CEACAM8: variants seen among roughly 807,000 people sequenced by gnomAD.
CEACAM8 encodes the protein CEA cell adhesion molecule 8, also known as cell adhesion molecule CEACAM8.
Under a neutral mutation model 33.4 loss-of-function variants are expected in CEACAM8, and 31 were observed. That is an observed-to-expected ratio of 0.93 (90% CI 0.70 to 1.25). The LOEUF (loss-of-function observed/expected upper bound fraction) is 1.25, where lower values mean the gene tolerates loss of function less well. CEACAM8 is among the 50% of genes most tolerant of loss of function. The pLI is 0.00. For synonymous variants in CEACAM8, 138 were observed against 164.5 expected, an observed-to-expected ratio of 0.84 and a Z score of 1.23; for missense variants, 388 against 434.6, an observed-to-expected ratio of 0.89 and a Z score of 0.95.
At chr19:42,584,370 C>A (rs1046485437) in intron 4 of CEACAM8, among the ~76,000 whole-genome samples, 2 of 152,164 alleles carry the variant, frequency 1.3e-5, no homozygotes, top group Non-Finnish European at 2.9e-5. Flanking sequence ...AAATACTTTA[C>A]CTCATTTGAT....
At chr19:42,584,981 T>C (rs1432717676) in intron 4 of CEACAM8, among the ~76,000 whole-genome samples, 2 of 151,872 alleles carry the variant, frequency 1.3e-5, no homozygotes, top group African/African-American at 4.8e-5. Context: ...AGAGACAAGA[T>C]GGAAATTACT....
chr19:42,583,076 G>A, intron 5 of CEACAM8, 130 bp downstream of exon 5: 1 of 612,614 alleles, frequency 1.6e-6, no homozygotes, highest in Non-Finnish European at 2.9e-6. Context: ...GAAGAGACCT[G>A]CAGGAATTAG....
intron 4 of CEACAM8, among the ~76,000 whole-genome samples, chr19:42,588,090 C>T (rs563955987): frequency 1.1e-4 from 17 of 152,314 alleles, no homozygotes; most frequent in African/African-American, 3.1e-4. Flanking sequence ...TCATGCAGCC[C>T]GTGACTTCAG....
intron 3 of CEACAM8, 50 bp downstream of exon 3, chr19:42,589,407 C>T (rs370732391): frequency 4.4e-5 from 71 of 1,612,432 alleles, no homozygotes; most frequent in Middle Eastern, 1.6e-4. Context: ...CCTCTGGCTG[C>T]GTGGATTTGG....
Position 42,589,495 on chromosome 19 carries a change from C to T in CEACAM8, c.665G>A (p.Ser222Asn), listed in dbSNP as rs752071582. ...GGTGACTGGGTCACTGAAGTTTGCA[C>T]TCGCTGGGTTCTGTATTTCACATTC... ...PYECEIQNPA[S>N]ANFSDPVTLN... The change falls in exon 3 of 6, where the codon AGT becomes AAT. Residue 222 changes from serine (S) to asparagine (N), a missense_variant. By Grantham distance (46) the Ser-to-Asn change is conservative. Transcript: ENST00000244336. The T allele has an allele frequency of 6.2e-7, 1 of 1,614,220 alleles. No individual in the cohort carries two copies. Among genetic ancestry groups the T allele is most frequent in the Non-Finnish European group, 8.5e-7 (1 of 1,180,046 alleles).
At chr19:42,582,748 A>G (rs1449218600) in intron 5 of CEACAM8, among the ~76,000 whole-genome samples, 2 of 152,210 alleles carry the variant, frequency 1.3e-5, no homozygotes, top group Non-Finnish European at 2.9e-5. Context: ...GAATTAGTAA[A>G]GAGAAGAAAT....
intron 4 of CEACAM8, among the ~76,000 whole-genome samples, chr19:42,584,124 G>A (rs148121406): frequency 3.3e-5 from 5 of 151,872 alleles, no homozygotes; most frequent in Non-Finnish European, 4.4e-5. Context: ...TCTCTTTCAC[G>A]TGTAACCAGT....
chr19:42,593,472 G>A, intron 2 of CEACAM8, 69 bp downstream of exon 2: 1 of 1,522,856 alleles, frequency 6.6e-7, no homozygotes, highest in Non-Finnish European at 8.8e-7. Context: ...CACAGCCCAG[G>A]CCTAACAATC....
intron 1 of CEACAM8, among the ~76,000 whole-genome samples, chr19:42,594,220 G>C (rs141336665): frequency 9.9e-5 from 15 of 152,152 alleles, no homozygotes; most frequent in African/African-American, 3.6e-4. Context: ...ACCTTTCCCT[G>C]CTGTGTTCCT....
chr19:42,590,691 C>A (rs2042422361), intron 2 of CEACAM8, among the ~76,000 whole-genome samples: 1 of 152,124 alleles, frequency 6.6e-6, no homozygotes, highest in African/African-American at 2.4e-5. Context: ...AGGACAGATA[C>A]TGTAGGATTC....
intron 1 of CEACAM8, among the ~76,000 whole-genome samples, chr19:42,594,520 C>T (rs1193852825): frequency 6.6e-6 from 1 of 152,156 alleles, no homozygotes; most frequent in Non-Finnish European, 1.5e-5. Context: ...TATCATTTTT[C>T]AAAATGTAGT....
At chr19:42,582,361 A>G (rs1328441896) in intron 5 of CEACAM8, among the ~76,000 whole-genome samples, 1 of 152,124 alleles carries the variant, frequency 6.6e-6, no homozygotes, top group Non-Finnish European at 1.5e-5. Context: ...TATTTTTCAT[A>G]TCTTATCTCC....
At chr19:42,585,374 A>G (rs2042320409) in intron 4 of CEACAM8, among the ~76,000 whole-genome samples, 2 of 151,818 alleles carry the variant, frequency 1.3e-5, no homozygotes. Context: ...TGGAGATATT[A>G]TATATCAATT....
In CEACAM8 at chr19:42,589,471, G is replaced by A. The variant is rs202017529; in HGVS notation, c.689C>T (p.Thr230Ile). The A allele has an allele frequency of 5.6e-6, 9 of 1,614,226 alleles. No homozygotes were observed. The highest frequency in any genetic ancestry group is 1.6e-4 in the Middle Eastern group (1 of 6,062). ...PASANFSDPV[T>I]LNVLYGPDAP... ...AAGATACTCACAGAGGACATTCAGG[G>A]TGACTGGGTCACTGAAGTTTGCACT... The change falls in exon 3 of 6, where the codon ACC (threonine) becomes ATC (isoleucine). Residue 230 changes from threonine (T) to isoleucine (I), a missense_variant. By Grantham distance (89) the Thr-to-Ile change is moderately conservative (BLOSUM62 -1). Transcript: ENST00000244336.
chr19:42,587,592 GAGA>G (rs1451329121), intron 4 of CEACAM8, among the ~76,000 whole-genome samples: 2 of 152,224 alleles, frequency 1.3e-5, no homozygotes, highest in Non-Finnish European at 2.9e-5. Context: ...GGGTTAGAGG[GAGA>G]AGGAGTGAGA....
At position 42,583,277 on chromosome 19, in the gene CEACAM8, A is replaced by G. The variant is rs570898042; in HGVS notation, c.1019T>C (p.Ile340Thr). Residue 340 changes from isoleucine (I) to threonine (T), a missense_variant, in exon 5 of 6, where the codon ATT becomes ACT. Physicochemically the swap from Ile to Thr is moderately conservative, Grantham distance 89 (BLOSUM62 -1). Transcript: ENST00000244336. ...LSARATVSIMIGVLARVALI is the reference protein window; with the variant it reads ...LSARATVSIMTGVLARVALI Reference sequence around the variant, plus strand: ...CAGAGCCACCCTGGCCAGTACTCCAATCATGATGCTGACAGTGGCTCTAGC... The same window carrying G: ...CAGAGCCACCCTGGCCAGTACTCCAGTCATGATGCTGACAGTGGCTCTAGC... 1.1e-5 allele frequency: 18 copies of G among 1,613,438 alleles called. No homozygotes were observed. The highest frequency in any genetic ancestry group is 4.0e-5 in the African/African-American group (3 of 75,006).
At chr19:42,589,386 G>A in intron 3 of CEACAM8, 71 bp downstream of exon 3, 1 of 1,605,336 alleles carries the variant, frequency 6.2e-7, no homozygotes, top group Non-Finnish European at 8.5e-7. Context: ...GAGAGGGACT[G>A]AGAGGCCTGG....
chr19:42,582,445 T>C (rs1390916249), intron 5 of CEACAM8, among the ~76,000 whole-genome samples: 1 of 152,186 alleles, frequency 6.6e-6, no homozygotes, highest in African/African-American at 2.4e-5. Context: ...AACACATGAA[T>C]TGGTCATCAG....
At chr19:42,590,792 G>T (rs1470660374) in intron 2 of CEACAM8, among the ~76,000 whole-genome samples, 1 of 152,164 alleles carries the variant, frequency 6.6e-6, no homozygotes, top group Non-Finnish European at 1.5e-5. Flanking sequence ...GGAATGGAGA[G>T]TTGTTCATGG....
Sources: gnomAD v4.1 joint callset for allele counts (sites outside exome capture counted in the v4.1 genomes callset) on GRCh38, gnomAD v4.1.1 for gene constraint, MANE v1.5 for transcripts, NCBI Gene and HGNC (gene_info 2026-07-23, HGNC 2026-07-21) for gene names.